ENPP3: variants seen among roughly 807,000 people sequenced by gnomAD.
ENPP3 encodes ectonucleotide pyrophosphatase/phosphodiesterase 3, also known as ectonucleotide pyrophosphatase/phosphodiesterase family member 3.
A neutral mutation model predicts 117.8 loss-of-function variants in ENPP3; 104 were observed. The ratio of observed to expected loss-of-function variants is 0.88; its 90% CI spans 0.75 to 1.04. The LOEUF (loss-of-function observed/expected upper bound fraction) is 1.04. ENPP3 is among the 50% of genes least tolerant of loss of function. The pLI, the probability that ENPP3 is intolerant of heterozygous loss-of-function variation, is 0.00. For synonymous variants in ENPP3, 380 were observed against 349.9 expected (o/e 1.09, Z -0.96); for missense variants, 1,026 against 1,051.9 (o/e 0.98, Z 0.34).
At chr6:131,647,544 A>G (rs753707421) in intron 2 of ENPP3, among the ~76,000 whole-genome samples, 1 of 152,178 alleles carries the variant, frequency 6.6e-6, no homozygotes, top group South Asian at 2.1e-4. Flanking sequence ...ATACAAAAGT[A>G]GGAATACTAA....
At chr6:131,717,517 G>A (rs1779924786) in intron 15 of ENPP3, among the ~76,000 whole-genome samples, 1 of 151,880 alleles carries the variant, frequency 6.6e-6, no homozygotes, top group Non-Finnish European at 1.5e-5. Flanking sequence ...ATTTGACTCA[G>A]TATAACATTG....
In ENPP3 at chr6:131,724,089, A is replaced by C. The variant is rs1780096239; in HGVS notation, c.1796A>C (p.Glu599Ala). ...CAGATGCTAAATCTCACCCAAGAAG[A>C]AAGTAAGTCAATAGAAAACATGTTA... is the stretch of plus-strand genomic sequence containing the variant. Reference protein sequence around the residue: ...VNQMLNLTQEEITATVKVNLP... With the variant: ...VNQMLNLTQEAITATVKVNLP... Residue 599 changes from glutamate (E) to alanine (A), a missense_variant and splice_region_variant, in exon 19 of 25, where the codon GAA (glutamate) becomes GCA (alanine). Coordinates refer to ENST00000357639, the MANE Select transcript of ENPP3 (RefSeq NM_005021.5). 1 of 1,605,258 alleles carries C rather than the reference A, an allele frequency of 6.2e-7. No individual in the cohort carries two copies. The highest frequency in any genetic ancestry group is 8.5e-7 in the Non-Finnish European group (1 of 1,172,234).
At position 131,671,323 on chromosome 6, in the gene ENPP3, T is replaced by C; in HGVS notation, c.638T>C (p.Val213Ala). ...ACCTTCCCAAATCATTACACCATTGTCACGGTAAGTGCTTGACCCAGTGGT... is the reference window on the plus strand; with the variant it reads ...ACCTTCCCAAATCATTACACCATTGCCACGGTAAGTGCTTGACCCAGTGGT... ...TKTFPNHYTI[V>A]TGLYPESHGI... The change falls in exon 7 of 25, where the codon GTC becomes GCC. Residue 213 changes from valine (V) to alanine (A), a missense_variant. Coordinates refer to ENST00000357639, the MANE Select transcript of ENPP3 (RefSeq NM_005021.5). 3 of 1,586,424 alleles carry C rather than the reference T, an allele frequency of 1.9e-6. No homozygotes were observed. Among genetic ancestry groups the C allele is most frequent in the Non-Finnish European group, 2.6e-6 (3 of 1,154,934 alleles).
chr6:131,711,206 C>A (rs1430672391), intron 15 of ENPP3, among the ~76,000 whole-genome samples: 17 of 152,046 alleles, frequency 1.1e-4, no homozygotes, highest in Non-Finnish European at 2.2e-4. Flanking sequence ...ATGTTGTCCC[C>A]CACCACCTCC....
chr6:131,702,776 TAGGA>T (rs1298462092), intron 15 of ENPP3, among the ~76,000 whole-genome samples: 3 of 137,186 alleles, frequency 2.2e-5, no homozygotes, highest in African/African-American at 5.7e-5. Context: ...GTCTTGGAGA[TAGGA>T]AGGATGAGCA....
intron 5 of ENPP3, among the ~76,000 whole-genome samples, chr6:131,656,784 T>G (rs988605986): frequency 2.7e-5 from 4 of 150,296 alleles, no homozygotes; most frequent in Non-Finnish European, 4.4e-5. Flanking sequence ...AAAAAAAAAG[T>G]TTGTTGTAAG....
At chr6:131,645,333 C>T (rs1004290595) in intron 2 of ENPP3, among the ~76,000 whole-genome samples, 1 of 152,214 alleles carries the variant, frequency 6.6e-6, no homozygotes, top group Non-Finnish European at 1.5e-5. Flanking sequence ...TTCAACTTAC[C>T]TCTCCACCAG....
intron 16 of ENPP3, among the ~76,000 whole-genome samples, chr6:131,719,418 CACAT>C (rs1208950585): frequency 0.019 from 2,538 of 131,722 alleles, 72 homozygotes; most frequent in African/African-American, 0.071. Flanking sequence ...CACACACACA[CACAT>C]TCCTTTCCAA....
chr6:131,738,116 T>C lies in ENPP3; in HGVS notation c.2253T>C (p.Phe751=), dbSNP rs540506477. The C allele has an allele frequency of 1.4e-5, 22 of 1,610,520 alleles. 1 individual carries two copies. In the South Asian group the frequency reaches 2.4e-4, roughly 18 times the overall value. Reference sequence around the variant, plus strand: ...TAAATGTGGTTAGTGGACCAATATTTGATTATAATTATGATGGCCATTTTG... The same window carrying C: ...TAAATGTGGTTAGTGGACCAATATTCGATTATAATTATGATGGCCATTTTG... The part of the protein sequence containing the change: ...NGVNVVSGPI[F]DYNYDGHFDA... The change falls in exon 23 of 25, where the codon TTT becomes TTC. Residue 751 remains phenylalanine (F), a synonymous_variant. Coordinates refer to ENST00000357639, the MANE Select transcript of ENPP3 (RefSeq NM_005021.5).
intron 5 of ENPP3, among the ~76,000 whole-genome samples, chr6:131,653,183 G>A (rs568326786): frequency 6.6e-5 from 10 of 152,196 alleles, no homozygotes; most frequent in East Asian, 3.9e-4. Flanking sequence ...AAGCTGGAGC[G>A]CGGTGGTGCA....
intron 20 of ENPP3, among the ~76,000 whole-genome samples, chr6:131,729,324 A>T (rs1780224801): frequency 6.6e-6 from 1 of 152,238 alleles, no homozygotes; most frequent in Non-Finnish European, 1.5e-5. Flanking sequence ...CAAAATTGTA[A>T]CTATCTAATC....
At chr6:131,655,684 C>T (rs1778370753) in intron 5 of ENPP3, among the ~76,000 whole-genome samples, 1 of 152,218 alleles carries the variant, frequency 6.6e-6, no homozygotes, top group South Asian at 2.1e-4. Context: ...ACCTAGATGA[C>T]TAAGCCCAAA....
chr6:131,707,113 A>C (rs1481703170), intron 15 of ENPP3, among the ~76,000 whole-genome samples: 5 of 149,644 alleles, frequency 3.3e-5, no homozygotes, highest in Middle Eastern at 3.4e-3. Flanking sequence ...TATTTTCTTA[A>C]TGGTTATAGA....
intron 15 of ENPP3, among the ~76,000 whole-genome samples, chr6:131,717,984 C>T (rs1779934489): frequency 6.6e-6 from 1 of 152,140 alleles, no homozygotes; most frequent in South Asian, 2.1e-4. Flanking sequence ...TAGGTTAGAC[C>T]ACATAGCCCA....
chr6:131,680,020 A>T (rs560576229), intron 11 of ENPP3, among the ~76,000 whole-genome samples: 50 of 152,304 alleles, frequency 3.3e-4, no homozygotes, highest in African/African-American at 1.2e-3. Flanking sequence ...GAAAAAGTAC[A>T]ATAAGAAGCA....
rs1413215147 is a variant in ENPP3, at chr6:131,686,058, A to G, written c.1284+151A>G. The G allele has an allele frequency of 1.3e-5, 6 of 461,356 alleles. No homozygotes were observed. In the East Asian group the frequency reaches 2.2e-4, roughly 17 times the overall value. 28.6% of individuals were successfully genotyped at this position (461,356 alleles called of 1,614,324 possible). On this transcript the variant is annotated intron_variant, in intron 14 of 24. Transcript: ENST00000357639. ...ATCAACATTATTTTATATGCATATT[A>G]GTTGCTTTTATCTTAGTTGTTTTCA...
intron 3 of ENPP3, among the ~76,000 whole-genome samples, chr6:131,650,834 A>C (rs192829022): frequency 1.8e-4 from 27 of 152,190 alleles, no homozygotes; most frequent in African/African-American, 5.5e-4. Flanking sequence ...GTCTGGGTCT[A>C]TGTTTAAATT....
At chr6:131,665,025 C>T (rs894315723) in intron 6 of ENPP3, among the ~76,000 whole-genome samples, 19 of 152,160 alleles carry the variant, frequency 1.2e-4, no homozygotes, top group African/African-American at 4.6e-4. Context: ...ATTTTTATCC[C>T]TCATTCTGTT....
intron 14 of ENPP3, among the ~76,000 whole-genome samples, chr6:131,690,104 C>T (rs1779243801): frequency 6.6e-6 from 1 of 152,188 alleles, no homozygotes; most frequent in South Asian, 2.1e-4. Context: ...ATGCCATAAA[C>T]ATTGTTGAAA....
Sources: allele counts gnomAD v4.1 joint callset (sites outside exome capture counted in the v4.1 genomes callset), GRCh38; gene constraint gnomAD v4.1.1; transcripts MANE v1.5; gene names NCBI Gene and HGNC (gene_info 2026-07-23, HGNC 2026-07-21).